Variants in EMILIN2 observed in about 807,000 individuals in gnomAD.
EMILIN2 encodes the protein elastin microfibril interfacer 2.
EMILIN2 carries 71 observed loss-of-function variants against 87.1 expected under a neutral mutation model. That is an observed-to-expected ratio of 0.82 (90% CI 0.67 to 0.99). The LOEUF (loss-of-function observed/expected upper bound fraction) is 0.99, where lower values mean the gene tolerates loss of function less well. Ranked by LOEUF, EMILIN2 falls within the 50% of genes least tolerant of loss-of-function variation. The pLI, the probability that EMILIN2 is intolerant of heterozygous loss-of-function variation, is 0.00. For missense variants in EMILIN2, 1,407 were observed against 1,371.8 expected (o/e 1.03, Z -0.40); for synonymous variants, 581 against 563.4 (o/e 1.03, Z -0.44).
chr18:2,881,995 G>A (rs2076779051), intron 2 of EMILIN2, among the ~76,000 whole-genome samples: 1 of 152,190 alleles, frequency 6.6e-6, no homozygotes. Flanking sequence ...ACATCTCCAG[G>A]TGGGGCCGCT....
chr18:2,871,904 TA>T (rs2076721695), intron 2 of EMILIN2, among the ~76,000 whole-genome samples: 1 of 152,228 alleles, frequency 6.6e-6, no homozygotes, highest in Non-Finnish European at 1.5e-5. Context: ...TGTAAAGCTT[TA>T]TTGTTTCAAA....
intron 2 of EMILIN2, among the ~76,000 whole-genome samples, chr18:2,859,265 C>T (rs976501851): frequency 1.3e-5 from 2 of 152,068 alleles, no homozygotes; most frequent in Admixed American, 6.6e-5. Context: ...GCCATTCTTG[C>T]GGGAGTAAGG....
intron 3 of EMILIN2, among the ~76,000 whole-genome samples, chr18:2,889,243 T>A (rs2076820318): frequency 6.6e-6 from 1 of 150,516 alleles, no homozygotes; most frequent in African/African-American, 2.4e-5. Context: ...GTTCAAGCGA[T>A]TTTTCTGTCT....
chr18:2,885,508 TA>T (rs1230714993), intron 3 of EMILIN2, among the ~76,000 whole-genome samples: 1 of 152,140 alleles, frequency 6.6e-6, no homozygotes, highest in East Asian at 1.9e-4. Context: ...TTAGGGGGGT[TA>T]AAATTGTTTT....
chr18:2,879,731 T>A (rs1409924214), intron 2 of EMILIN2, among the ~76,000 whole-genome samples: 1 of 149,072 alleles, frequency 6.7e-6, no homozygotes, highest in Non-Finnish European at 1.5e-5. Context: ...TTTTTTGAGG[T>A]ATGGTCTCTG....
At chr18:2,902,285 C>A (rs1375053992) in intron 4 of EMILIN2, among the ~76,000 whole-genome samples, 1 of 152,090 alleles carries the variant, frequency 6.6e-6, no homozygotes, top group African/African-American at 2.4e-5. Context: ...TTAAATTGTT[C>A]AATGTCAGTT....
chr18:2,911,666 C>T (rs1353603508), intron 7 of EMILIN2, among the ~76,000 whole-genome samples: 1 of 152,238 alleles, frequency 6.6e-6, no homozygotes, highest in Non-Finnish European at 1.5e-5. Flanking sequence ...GGCCATGCTC[C>T]CCAGGTCACT....
At chr18:2,846,498 A>G (rs2076573953), upstream of EMILIN2, among the ~76,000 whole-genome samples, 1 of 152,194 alleles carries the variant, frequency 6.6e-6, no homozygotes, top group Non-Finnish European at 1.5e-5. The surrounding 1 kb of genome is among the most constrained non-coding windows in gnomAD (Gnocchi z 5.3). Context: ...CCTAAGGCAG[A>G]GTTGGGCAAA....
intron 2 of EMILIN2, among the ~76,000 whole-genome samples, chr18:2,875,663 T>C (rs889003331): frequency 8.1e-6 from 1 of 122,706 alleles, no homozygotes; most frequent in African/African-American, 3.2e-5. Flanking sequence ...GTGGAAGGCA[T>C]GCATGAGCTA....
chr18:2,906,932 C>A lies in EMILIN2; in HGVS notation c.2509C>A (p.Gln837Lys), dbSNP rs553129354. The A allele has an allele frequency of 1.4e-6, 2 of 1,398,136 alleles. No homozygotes were observed. The highest frequency in any genetic ancestry group is 3.0e-5 in the South Asian group (2 of 65,664). The allele number at this position is 1,398,136 out of a possible 1,614,324, so 86.6% of individuals were successfully genotyped here. A position where few individuals can be genotyped will look rare whatever the true frequency, so the allele number is the denominator to read the frequency against. ...GCGGCCCCCCGAGGAGAGGCCGCCC[C>A]AGCCGCCAGGCTCCACCGGGGTCAT... The part of the protein sequence containing the change: ...PQRPPEERPP[Q>K]PPGSTGVIAE... Residue 837 changes from glutamine (Q) to lysine (K), a missense_variant, in exon 5 of 8, where the codon CAG becomes AAG. Transcript: ENST00000254528.
Position 2,913,416 on chromosome 18 carries a change from A to T in EMILIN2, c.*12A>T, listed in dbSNP as rs775193240. The T allele has an allele frequency of 1.3e-6, 2 of 1,556,908 alleles. No individual in the cohort carries two copies. The highest frequency in any genetic ancestry group is 1.7e-6 in the Non-Finnish European group (2 of 1,151,156). ...TTTCCCACCTCTAAGGTGGCTGGGG[A>T]GATGTCAGGGGAAAGATAGATAGTT... On this transcript the variant is annotated 3_prime_UTR_variant, in exon 8 of 8. Transcript: ENST00000254528.
chr18:2,898,641 AT>A (rs2076874409), intron 4 of EMILIN2, among the ~76,000 whole-genome samples: 1 of 152,156 alleles, frequency 6.6e-6, no homozygotes, highest in Non-Finnish European at 1.5e-5. Flanking sequence ...AGTAATTTTC[AT>A]CATAGCGTTT....
intron 2 of EMILIN2, among the ~76,000 whole-genome samples, chr18:2,861,308 C>T (rs1042573909): frequency 8.5e-5 from 13 of 152,186 alleles, no homozygotes; most frequent in Non-Finnish European, 1.5e-4. Context: ...AGTCCTTGCC[C>T]ATGCCTATGT....
chr18:2,856,004 C>A (rs2076625318), intron 2 of EMILIN2, among the ~76,000 whole-genome samples: 1 of 152,108 alleles, frequency 6.6e-6, no homozygotes, highest in Admixed American at 6.5e-5. Flanking sequence ...TGGAGAAAGG[C>A]TAAAATGCTC....
chr18:2,891,549 C>A lies in EMILIN2; in HGVS notation c.1422C>A (p.Thr474=). ...AACATTGCTTTTACATTGAGGAAAC[C>A]CTTCGGGGCGCCATTAATGGAGAGG... ...AEEHCFYIEE[T]LRGAINGEVG... Residue 474 remains threonine (T), a synonymous_variant, in exon 4 of 8, where the codon ACC becomes ACA. Coordinates refer to ENST00000254528, the MANE Select transcript of EMILIN2 (RefSeq NM_032048.3). This position sits in a 1 kb window ranked among gnomAD's most constrained non-coding sequence, Gnocchi z 4.6. 1.2e-6 allele frequency: 2 copies of A among 1,614,020 alleles called. No individual in the cohort carries two copies. Among genetic ancestry groups the A allele is most frequent in the South Asian group, 2.2e-5 (2 of 91,076 alleles).
intron 2 of EMILIN2, among the ~76,000 whole-genome samples, chr18:2,857,569 G>C (rs1346787780): frequency 6.6e-6 from 1 of 152,214 alleles, no homozygotes; most frequent in Non-Finnish European, 1.5e-5. Flanking sequence ...GAGGAAAGCC[G>C]AGGGGGCGAT....
intron 7 of EMILIN2, among the ~76,000 whole-genome samples, chr18:2,911,036 G>T (rs781244926): frequency 3.3e-5 from 5 of 152,312 alleles, no homozygotes; most frequent in Non-Finnish European, 5.9e-5. Context: ...ATCCATACAG[G>T]CCTCAATGCT....
At position 2,881,796 on chromosome 18, in the gene EMILIN2, G is replaced by A. The variant is rs141841506; in HGVS notation, c.258-3168G>A. Among the ~76,000 whole-genome samples the A allele has an allele frequency of 8.3e-3, 1,264 of 152,338 alleles. 16 individuals are homozygous for A. Among genetic ancestry groups the A allele is most frequent in the African/African-American group, 0.026 (1,101 of 41,576 alleles). On this transcript the variant is annotated intron_variant, in intron 2 of 7. Transcript: ENST00000254528. ...CCAGCATTATGCTCTACTTGAGAAC[G>A]CAAAACAATCCAGCGCAATGATGCT...
intron 7 of EMILIN2, among the ~76,000 whole-genome samples, chr18:2,910,623 T>A (rs2076936223): frequency 6.6e-6 from 1 of 151,736 alleles, no homozygotes; most frequent in South Asian, 2.1e-4. Flanking sequence ...TCACGCACTG[T>A]GAACAGGGCC....
Sources: gnomAD v4.1 joint callset for allele counts (sites outside exome capture counted in the v4.1 genomes callset) on GRCh38, gnomAD v4.1.1 for gene constraint, Gnocchi (gnomAD v3.1) non-coding constraint, MANE v1.5 for transcripts, NCBI Gene and HGNC (gene_info 2026-07-23, HGNC 2026-07-21) for gene names.